The following DPF3 variants were observed in gnomAD, a reference collection of about 807,000 sequenced individuals.
DPF3 encodes double PHD fingers 3.
A neutral mutation model predicts 56.8 loss-of-function variants in DPF3; 18 were observed. The observed-to-expected ratio is 0.32, with a 90% CI of 0.22 to 0.47. The LOEUF (loss-of-function observed/expected upper bound fraction) is 0.47. DPF3 is among the 20% of genes least tolerant of loss of function. DPF3 has a pLI of 1.00. For synonymous variants in DPF3, 188 were observed against 180.2 expected, an observed-to-expected ratio of 1.04 and a Z score of -0.35; for missense variants, 403 against 488.8, an observed-to-expected ratio of 0.82 and a Z score of 1.65.
At chr14:72,820,732 C>T (rs1883493634) in intron 1 of DPF3, among the ~76,000 whole-genome samples, 1 of 152,192 alleles carries the variant, frequency 6.6e-6, no homozygotes, top group Admixed American at 6.5e-5. Context: ...CTGTGGTTCA[C>T]ACCTATAATC....
chr14:72,842,175 T>C (rs1187839346), intron 1 of DPF3, among the ~76,000 whole-genome samples: 2 of 151,788 alleles, frequency 1.3e-5, no homozygotes, highest in Non-Finnish European at 2.9e-5. Flanking sequence ...GGCACCCCTT[T>C]GGAAAAGGAT....
intron 1 of DPF3, among the ~76,000 whole-genome samples, chr14:72,808,115 G>A (rs1031290735): frequency 3.9e-5 from 6 of 152,132 alleles, no homozygotes; most frequent in African/African-American, 9.7e-5. Flanking sequence ...ATGGGGTAGA[G>A]GTCAGGGATG....
intron 7 of DPF3, among the ~76,000 whole-genome samples, chr14:72,690,514 CACAA>C (rs1938681700): frequency 7.3e-6 from 1 of 136,150 alleles, no homozygotes; most frequent in Non-Finnish European, 1.8e-5. Context: ...TACACATGCA[CACAA>C]ACAAGCACAC....
intron 1 of DPF3, chr14:72,880,026 C>A: frequency 1.5e-6 from 2 of 1,363,188 alleles, no homozygotes; most frequent in Non-Finnish European, 1.9e-6. Context: ...GGTATAGAAT[C>A]CAGTTTCTCC....
chr14:72,874,703 G>A lies in DPF3; in HGVS notation c.32+19354C>T, dbSNP rs116564218. On this transcript the variant is annotated intron_variant, in intron 1 of 10. Coordinates refer to ENST00000556509, the MANE Select transcript of DPF3 (RefSeq NM_001280542.3). ...CAGCCTGGATTTTATTATCCATATCGCTATTAGCATTTGGGCAAAGCCATT... is the reference window on the plus strand; with the variant it reads ...CAGCCTGGATTTTATTATCCATATCACTATTAGCATTTGGGCAAAGCCATT... Among the ~76,000 whole-genome samples, 6 of 152,152 alleles carry A rather than the reference G, an allele frequency of 3.9e-5. No homozygotes were observed. In the South Asian group the frequency reaches 6.2e-4, roughly 16 times the overall value.
Position 72,838,917 on chromosome 14 carries a change from T to A in DPF3, c.32+55140A>T, listed in dbSNP as rs1162054544. Among the ~76,000 whole-genome samples, 106 of 18,928 alleles carry A rather than the reference T, an allele frequency of 5.6e-3. 6 individuals are homozygous for A. The highest frequency in any genetic ancestry group is 0.011 in the Non-Finnish European group (84 of 7,308). The allele number at this position is 18,928 out of a possible 152,430, so 12.4% of individuals were successfully genotyped here. ...TATTATCATATATATTCTTTTTTTT[T>A]TTTTTTTTTTTTTTTTTTTTTTGGA... On this transcript the variant is annotated intron_variant, in intron 1 of 10. Transcript: ENST00000556509.
At chr14:72,770,602 T>C (rs1891482165) in intron 2 of DPF3, among the ~76,000 whole-genome samples, 1 of 152,174 alleles carries the variant, frequency 6.6e-6, no homozygotes, top group Non-Finnish European at 1.5e-5. Context: ...TGCTTCAAAA[T>C]AAAATGAGGT....
chr14:72,668,782 A>G (rs954089524), intron 8 of DPF3, among the ~76,000 whole-genome samples: 2 of 151,648 alleles, frequency 1.3e-5, no homozygotes, highest in Non-Finnish European at 2.9e-5. Flanking sequence ...TTGGTTGAAC[A>G]TATGTTTATT....
intron 1 of DPF3, among the ~76,000 whole-genome samples, chr14:72,779,718 C>A (rs11622025): frequency 0.14 from 20,824 of 152,274 alleles, 1,538 homozygotes; most frequent in Middle Eastern, 0.32. Flanking sequence ...TAAAAGTCTG[C>A]AATCAATAGC....
intron 3 of DPF3, among the ~76,000 whole-genome samples, chr14:72,751,510 A>G (rs1183215412): frequency 6.6e-6 from 1 of 152,196 alleles, no homozygotes; most frequent in Non-Finnish European, 1.5e-5. Flanking sequence ...GCAGGCCAGG[A>G]CCGCACTTTG....
intron 1 of DPF3, among the ~76,000 whole-genome samples, chr14:72,823,258 C>T (rs75309952): frequency 0.094 from 14,301 of 152,238 alleles, 826 homozygotes; most frequent in Admixed American, 0.18. Flanking sequence ...ATTACTAGCA[C>T]AGCCAGCTGC....
At chr14:72,697,549 G>A (rs554151036) in intron 6 of DPF3, among the ~76,000 whole-genome samples, 10 of 152,288 alleles carry the variant, frequency 6.6e-5, no homozygotes, top group South Asian at 6.2e-4. Context: ...GAGGTGGAGC[G>A]GTGGGGGTGG....
At chr14:72,770,279 T>C (rs1891469069) in intron 2 of DPF3, among the ~76,000 whole-genome samples, 2 of 152,180 alleles carry the variant, frequency 1.3e-5, no homozygotes, top group Non-Finnish European at 2.9e-5. Flanking sequence ...TGGGAAACCC[T>C]ACAGCGTAAG....
At chr14:72,687,696 T>C (rs1364489438) in intron 7 of DPF3, among the ~76,000 whole-genome samples, 1 of 152,184 alleles carries the variant, frequency 6.6e-6, no homozygotes, top group Non-Finnish European at 1.5e-5. Flanking sequence ...TCCTAAGAAA[T>C]TCCTTCTCAT....
At chr14:72,679,997 G>A (rs1195353317) in intron 7 of DPF3, among the ~76,000 whole-genome samples, 1 of 152,120 alleles carries the variant, frequency 6.6e-6, no homozygotes, top group African/African-American at 2.4e-5. Flanking sequence ...CTGCTACCTC[G>A]GCCTAGCCTT....
chr14:72,737,066 C>T (rs1192152262), intron 3 of DPF3, among the ~76,000 whole-genome samples: 2 of 151,804 alleles, frequency 1.3e-5, no homozygotes, highest in Admixed American at 6.6e-5. Context: ...ATCCATCACA[C>T]CAGAGACAGC....
chr14:72,631,308 C>A (rs1885156302), intron 8 of DPF3, among the ~76,000 whole-genome samples: 1 of 152,200 alleles, frequency 6.6e-6, no homozygotes, highest in African/African-American at 2.4e-5. Context: ...GATACCATCA[C>A]AGTGGCCCCA....
chr14:72,837,536 G>A (rs1437389919), intron 1 of DPF3, among the ~76,000 whole-genome samples: 7 of 151,906 alleles, frequency 4.6e-5, no homozygotes, highest in South Asian at 2.1e-4. Flanking sequence ...TCAGGAGTTC[G>A]AGACCAGCCT....
intron 4 of DPF3, 102 bp downstream of exon 4, chr14:72,731,705 C>T (rs1015917737): frequency 2.8e-5 from 42 of 1,497,966 alleles, no homozygotes; most frequent in Admixed American, 1.8e-4. Context: ...GACTGAGCCC[C>T]GGCCCTTGAG....
Sources: gnomAD v4.1 joint callset for allele counts (sites outside exome capture counted in the v4.1 genomes callset) on GRCh38, gnomAD v4.1.1 for gene constraint, MANE v1.5 for transcripts, NCBI Gene and HGNC (gene_info 2026-07-23, HGNC 2026-07-21) for gene names.